The following SIK3 variants were observed in gnomAD, a reference collection of about 807,000 sequenced individuals.
SIK3 encodes the protein SIK family kinase 3, also known as serine/threonine-protein kinase SIK3.
In SIK3, 28 loss-of-function variants were observed where a neutral mutation model predicts 144.2. The ratio of observed to expected loss-of-function variants is 0.19; its 90% CI spans 0.14 to 0.27. The LOEUF (loss-of-function observed/expected upper bound fraction) is 0.27, where lower values mean the gene tolerates loss of function less well. Among genes scored for constraint, SIK3 ranks in the 10% least tolerant of loss-of-function variants. SIK3 has a pLI of 1.00. For missense variants in SIK3, 1,319 were observed against 1,776.0 expected (o/e 0.74, Z 4.62); for synonymous variants, 686 against 676.3 (o/e 1.01, Z -0.22).
chr11:116,912,040 T>C (rs566921980), intron 4 of SIK3, among the ~76,000 whole-genome samples: 2 of 152,346 alleles, frequency 1.3e-5, no homozygotes, highest in South Asian at 2.1e-4. Context: ...TGGTCATTTA[T>C]TTCTCCACTC....
At chr11:116,896,450 T>C (rs1483045116) in intron 5 of SIK3, 74 bp from the exon 6 acceptor site, 7 of 1,515,234 alleles carry the variant, frequency 4.6e-6, no homozygotes, top group Middle Eastern at 2.0e-4. Context: ...AGTGTGTGTA[T>C]GCAGATGATG....
intron 2 of SIK3, 142 bp downstream of exon 2, chr11:116,956,806 C>T (rs960171005): frequency 4.0e-6 from 2 of 501,860 alleles, no homozygotes; most frequent in Non-Finnish European, 3.5e-6. Context: ...AGCGCGTAAA[C>T]AGAAGGGTAG....
intron 1 of SIK3, among the ~76,000 whole-genome samples, chr11:117,012,834 TTTTTGCCATTACTGC>T (rs1473367776): frequency 6.6e-6 from 1 of 150,594 alleles, no homozygotes; most frequent in Non-Finnish European, 1.5e-5. Context: ...AGGGTTTTTT[TTTTTGCCATTACTGC>T]TTTTTTTTTT....
At chr11:116,864,026 A>G (rs185348831) in intron 15 of SIK3, 4 of 449,090 alleles carry the variant, frequency 8.9e-6, no homozygotes, top group Admixed American at 4.0e-5. Flanking sequence ...TTCCATTTCT[A>G]CTTACCTTCG....
At chr11:116,852,586 G>C (rs1403243918) in intron 21 of SIK3, among the ~76,000 whole-genome samples, 1 of 152,218 alleles carries the variant, frequency 6.6e-6, no homozygotes, top group Admixed American at 6.5e-5. Context: ...TGGGTGTGGA[G>C]TGCTTCATAG....
At chr11:117,050,387 A>G (rs1953183851) in intron 1 of SIK3, among the ~76,000 whole-genome samples, 4 of 152,118 alleles carry the variant, frequency 2.6e-5, no homozygotes, top group Admixed American at 2.6e-4. Flanking sequence ...CTATGATTCT[A>G]TAATTATTTC....
intron 1 of SIK3, among the ~76,000 whole-genome samples, chr11:117,088,111 C>T (rs1160543546): frequency 6.6e-6 from 1 of 152,116 alleles, no homozygotes; most frequent in Non-Finnish European, 1.5e-5. Flanking sequence ...GTGGCATGCA[C>T]CTGTAGTCCC....
At chr11:117,013,910 G>T (rs1187868977) in intron 1 of SIK3, among the ~76,000 whole-genome samples, 673 of 60,722 alleles carry the variant, frequency 0.011, 43 homozygotes, top group African/African-American at 0.03. Context: ...GGGGGGGGGG[G>T]GGAGGGTGTG....
intron 1 of SIK3, among the ~76,000 whole-genome samples, chr11:117,033,665 C>T (rs1245698784): frequency 1.4e-5 from 2 of 140,996 alleles, no homozygotes; most frequent in Non-Finnish European, 3.0e-5. Context: ...GCAGAGATTG[C>T]GCCACTGCAC....
At chr11:116,917,782 A>C (rs1384244722) in intron 4 of SIK3, among the ~76,000 whole-genome samples, 1 of 146,642 alleles carries the variant, frequency 6.8e-6, no homozygotes, top group Non-Finnish European at 1.5e-5. Context: ...GAACGAAAGA[A>C]AGAAAAGGAG....
intron 6 of SIK3, among the ~76,000 whole-genome samples, chr11:116,888,428 G>T (rs1170213996): frequency 6.6e-6 from 1 of 152,190 alleles, no homozygotes; most frequent in Non-Finnish European, 1.5e-5. Context: ...GGCGTAAGCA[G>T]AAAAAGGACT....
chr11:117,043,189 C>T (rs181082375), intron 1 of SIK3, among the ~76,000 whole-genome samples: 278 of 152,092 alleles, frequency 1.8e-3, no homozygotes, highest in African/African-American at 5.7e-3. Flanking sequence ...ACCATCCCTC[C>T]GAACGTGCCA....
chr11:117,013,917 T>G (rs12803311), intron 1 of SIK3, among the ~76,000 whole-genome samples: 108 of 50,804 alleles, frequency 2.1e-3, no homozygotes, highest in East Asian at 7.0e-3. Flanking sequence ...GGGGGGAGGG[T>G]GTGTGTGTGT....
At chr11:116,863,547 T>G in intron 16 of SIK3, 121 bp downstream of exon 16, 1 of 1,435,990 alleles carries the variant, frequency 7.0e-7, no homozygotes, top group Non-Finnish European at 9.5e-7. Flanking sequence ...TATACTTTTT[T>G]AACCTATAAA....
chr11:116,978,455 C>T (rs1950029950), intron 1 of SIK3, among the ~76,000 whole-genome samples: 1 of 152,074 alleles, frequency 6.6e-6, no homozygotes, highest in Non-Finnish European at 1.5e-5. Context: ...TATCCCCAAA[C>T]AACATATTGT....
At chr11:117,036,192 A>G (rs888673580) in intron 1 of SIK3, 2 of 452,748 alleles carry the variant, frequency 4.4e-6, no homozygotes, top group Admixed American at 4.0e-5. Flanking sequence ...AAATGTTGGG[A>G]TTGCAGGTGT....
At chr11:116,929,622 G>A (rs773326125) in intron 3 of SIK3, among the ~76,000 whole-genome samples, 3 of 152,138 alleles carry the variant, frequency 2.0e-5, no homozygotes, top group African/African-American at 4.8e-5. Flanking sequence ...GTTGTCCCTG[G>A]ACAAATCATT....
intron 3 of SIK3, among the ~76,000 whole-genome samples, chr11:116,938,596 G>GA (rs1948100736): frequency 1.4e-5 from 1 of 69,152 alleles, no homozygotes; most frequent in Non-Finnish European, 2.7e-5. Flanking sequence ...GAGAGGAGAG[G>GA]GGAGGAGAGG....
chr11:117,050,246 G>A (rs964874361), intron 1 of SIK3, among the ~76,000 whole-genome samples: 28 of 149,454 alleles, frequency 1.9e-4, no homozygotes, highest in Admixed American at 9.3e-4. Context: ...CTGAGATCGC[G>A]CCATTGCACA....
Sources: allele counts gnomAD v4.1 joint callset (sites outside exome capture counted in the v4.1 genomes callset), GRCh38; gene constraint gnomAD v4.1.1; transcripts MANE v1.5; gene names NCBI Gene and HGNC (gene_info 2026-07-23, HGNC 2026-07-21).